THADA: variants seen among roughly 807,000 people sequenced by gnomAD.
THADA encodes the protein THADA armadillo repeat containing, also known as tRNA (32-2'-O)-methyltransferase regulator THADA.
Under a neutral mutation model 219.8 loss-of-function variants are expected in THADA, and 213 were observed. The observed-to-expected ratio is 0.97, with a 90% CI of 0.87 to 1.09. THADA has a LOEUF of 1.09. Among genes scored for constraint, THADA ranks in the 50% least tolerant of loss-of-function variants. The pLI is 0.00. For missense variants in THADA, 2,956 were observed against 2,311.3 expected (o/e 1.28, Z -5.72); for synonymous variants, 1,018 against 828.9 (o/e 1.23, Z -3.92).
chr2:43,405,552 T>C (rs892147407), intron 28 of THADA, among the ~76,000 whole-genome samples: 1 of 152,206 alleles, frequency 6.6e-6, no homozygotes, highest in Non-Finnish European at 1.5e-5. Context: ...AACTAGTTGC[T>C]CCTTTTCCTG....
At chr2:43,469,513 T>TA (rs562153833) in intron 26 of THADA, among the ~76,000 whole-genome samples, 2 of 152,020 alleles carry the variant, frequency 1.3e-5, no homozygotes, top group Non-Finnish European at 2.9e-5. Context: ...AAATGAACAT[T>TA]AAAAAAAATT....
intron 29 of THADA, among the ~76,000 whole-genome samples, chr2:43,385,510 G>A (rs1322467623): frequency 1.3e-5 from 2 of 151,648 alleles, no homozygotes; most frequent in African/African-American, 4.9e-5. Flanking sequence ...GGAAGTCTGA[G>A]GCAGGAGAAT....
At chr2:43,363,760 G>A (rs11694173) in intron 29 of THADA, among the ~76,000 whole-genome samples, 21,480 of 152,196 alleles carry the variant, frequency 0.14, 1,839 homozygotes, top group South Asian at 0.2. Flanking sequence ...TCCTGAGGAT[G>A]AGAAAGCAGT....
At chr2:43,302,911 T>C (rs181608086) in intron 31 of THADA, among the ~76,000 whole-genome samples, 28 of 151,838 alleles carry the variant, frequency 1.8e-4, no homozygotes, top group Non-Finnish European at 3.5e-4. Context: ...CTGGGCAACA[T>C]AGTGAGACCC....
intron 21 of THADA, among the ~76,000 whole-genome samples, chr2:43,529,741 A>G (rs1263668746): frequency 6.6e-6 from 1 of 152,182 alleles, no homozygotes; most frequent in African/African-American, 2.4e-5. Context: ...TTGTCCCAAG[A>G]TATCTCAGAT....
At chr2:43,358,928 C>T (rs988028509) in intron 29 of THADA, among the ~76,000 whole-genome samples, 12 of 152,114 alleles carry the variant, frequency 7.9e-5, no homozygotes, top group Non-Finnish European at 1.5e-4. Context: ...AAAGTGACAA[C>T]TGTTTACAAA....
intron 36 of THADA, among the ~76,000 whole-genome samples, chr2:43,264,215 T>C (rs895619515): frequency 1.3e-5 from 2 of 152,070 alleles, no homozygotes; most frequent in African/African-American, 4.8e-5. Context: ...GAAGTCTGAA[T>C]GTAGTGAACT....
chr2:43,457,260 CATA>C (rs1368013698), intron 26 of THADA, among the ~76,000 whole-genome samples: 1 of 151,876 alleles, frequency 6.6e-6, no homozygotes, highest in East Asian at 1.9e-4. Flanking sequence ...CCTACTCACA[CATA>C]ATAAGATACC....
At chr2:43,413,796 A>G (rs1419612017) in intron 28 of THADA, among the ~76,000 whole-genome samples, 6 of 152,206 alleles carry the variant, frequency 3.9e-5, no homozygotes. Context: ...ACAGTCCCAC[A>G]GTTCTTAAAT....
intron 35 of THADA, among the ~76,000 whole-genome samples, chr2:43,280,492 C>T (rs368934196): frequency 1.1e-4 from 17 of 151,914 alleles, no homozygotes; most frequent in African/African-American, 3.4e-4. Context: ...ATTAGCTGGG[C>T]GTGGTGACGG....
At chr2:43,309,938 T>C (rs1168430411) in intron 31 of THADA, among the ~76,000 whole-genome samples, 1 of 152,038 alleles carries the variant, frequency 6.6e-6, no homozygotes, top group Non-Finnish European at 1.5e-5. Context: ...AATCCACAAA[T>C]GAAATTAAGA....
chr2:43,290,830 T>A (rs17030645), intron 34 of THADA, among the ~76,000 whole-genome samples: 1 of 151,824 alleles, frequency 6.6e-6, no homozygotes, highest in Non-Finnish European at 1.5e-5. Context: ...CTAAGTAGCA[T>A]GTATTTGTCT....
At chr2:43,293,293 A>C in intron 31 of THADA, 80 bp from the exon 32 acceptor site, 46 of 1,451,476 alleles carry the variant, frequency 3.2e-5, no homozygotes, top group Non-Finnish European at 3.7e-5. Flanking sequence ...TGAAGACTGA[A>C]TCCACTGCGT....
At chr2:43,249,776 G>A (rs1450906747) in intron 36 of THADA, among the ~76,000 whole-genome samples, 3 of 151,922 alleles carry the variant, frequency 2.0e-5, no homozygotes, top group Non-Finnish European at 4.4e-5. Flanking sequence ...AATCTTCTCA[G>A]TACCCCATCC....
chr2:43,546,062 T>C (rs916499818), intron 20 of THADA, among the ~76,000 whole-genome samples: 1 of 149,932 alleles, frequency 6.7e-6, no homozygotes, highest in African/African-American at 2.5e-5. Context: ...CGAGAGATTC[T>C]GGTATGTTGT....
intron 21 of THADA, among the ~76,000 whole-genome samples, chr2:43,529,277 T>C (rs1693574002): frequency 6.6e-6 from 1 of 152,072 alleles, no homozygotes; most frequent in South Asian, 2.1e-4. Flanking sequence ...ACAGTAATAC[T>C]CCCACCTTAG....
chr2:43,527,100 T>C (rs1574087955), intron 22 of THADA, among the ~76,000 whole-genome samples: 1 of 152,116 alleles, frequency 6.6e-6, no homozygotes, highest in Non-Finnish European at 1.5e-5. Context: ...AAAAAAAAAG[T>C]TTCAAAAATA....
rs191051566 is a variant in THADA, at chr2:43,320,002, C to A, written c.4438+444G>T. Among the ~76,000 whole-genome samples, 18 of 152,312 alleles carry A rather than the reference C, an allele frequency of 1.2e-4. No homozygotes were observed. In the East Asian group the frequency reaches 2.9e-3, roughly 25 times the overall value. On this transcript the variant is annotated intron_variant, in intron 31 of 37. Transcript: ENST00000405975. ...CAAGAAACATGTGGAAAGTCAGAGT[C>A]TGAGGCAGCAACTCATAAGTGCATT...
intron 28 of THADA, among the ~76,000 whole-genome samples, chr2:43,418,541 A>T (rs1449307209): frequency 6.6e-6 from 1 of 152,146 alleles, no homozygotes; most frequent in Non-Finnish European, 1.5e-5. Flanking sequence ...GGCTGTTCAA[A>T]CTTCAGTGTG....
Sources: allele counts gnomAD v4.1 joint callset (sites outside exome capture counted in the v4.1 genomes callset), GRCh38; gene constraint gnomAD v4.1.1; transcripts MANE v1.5; gene names NCBI Gene and HGNC (gene_info 2026-07-23, HGNC 2026-07-21).